ADGRV1: variants seen among roughly 807,000 people sequenced by gnomAD.
ADGRV1 encodes the protein G-protein coupled receptor 98.
In ADGRV1, 359 loss-of-function variants were observed where a neutral mutation model predicts 596.2. That is an observed-to-expected ratio of 0.60 (90% confidence interval 0.55 to 0.66). The LOEUF (loss-of-function observed/expected upper bound fraction) is 0.66. Among genes scored for constraint, ADGRV1 ranks in the 30% least tolerant of loss-of-function variants. ADGRV1 has a pLI of 0.00. For synonymous variants in ADGRV1, 2,681 were observed against 2,679.2 expected, an observed-to-expected ratio of 1.00 and a Z score of -0.02; for missense variants, 7,274 against 7,575.6, an observed-to-expected ratio of 0.96 and a Z score of 1.48.
chr5:91,153,224 C>T lies in ADGRV1; in HGVS notation c.18628C>T (p.Pro6210Ser), dbSNP rs1254725192. Residue 6210 changes from proline (P) to serine (S), a missense_variant, in exon 89 of 90, where the codon CCA (proline) becomes TCA (serine). By Grantham distance (74) the Pro-to-Ser change is moderately conservative. Transcript: ENST00000405460. ...CCCCCCATCCCAATCTAAAAAGGTG[C>T]CACCTGACTGGGAGAGAGCATCCTT... ...QNLIGAMEEV[P>S]PDWERASFQQ... is the part of the protein sequence containing the mutation. The T allele has an allele frequency of 3.1e-6, 5 of 1,602,424 alleles. No homozygotes were observed. The South Asian group carries it at 5.6e-5, about 18-fold the overall frequency.
intron 20 of ADGRV1, among the ~76,000 whole-genome samples, chr5:90,656,394 C>T (rs1436177127): frequency 2.0e-5 from 3 of 152,150 alleles, no homozygotes; most frequent in Non-Finnish European, 4.4e-5. Flanking sequence ...TTCCTTTTAA[C>T]ATACCATAGA....
rs727503077 is a variant in ADGRV1, at chr5:90,716,537, C to A, written c.9255C>A (p.Phe3085Leu). Residue 3085 changes from phenylalanine to leucine, a missense_variant, in exon 43 of 90, where the codon TTC (phenylalanine) becomes TTA (leucine). Physicochemically the swap from Phe to Leu is conservative, Grantham distance 22. Transcript: ENST00000405460. ...CATTTAACAACAGTGAGCACTTTTT[C>A]CTAAGAGAGCCAACAGCTCTCTACG... ...VLSFNNSEHF[F>L]LREPTALYVQ... 17 of 1,611,868 alleles carry A rather than the reference C, an allele frequency of 1.1e-5. No homozygotes were observed. The highest frequency in any genetic ancestry group is 1.4e-5 in the Non-Finnish European group (17 of 1,178,888).
intron 85 of ADGRV1, among the ~76,000 whole-genome samples, chr5:91,054,535 C>T: frequency 6.6e-6 from 1 of 152,100 alleles, no homozygotes. Context: ...AAATAATAGA[C>T]ACTTATTTCT....
chr5:91,039,971 A>G (rs1418991405), intron 85 of ADGRV1, among the ~76,000 whole-genome samples: 1 of 152,198 alleles, frequency 6.6e-6, no homozygotes, highest in African/African-American at 2.4e-5. Flanking sequence ...AAATGAAAAC[A>G]ATTGGAAAGA....
intron 87 of ADGRV1, among the ~76,000 whole-genome samples, chr5:91,131,936 A>T (rs1210441610): frequency 2.0e-5 from 3 of 152,188 alleles, no homozygotes; most frequent in Admixed American, 6.5e-5. Flanking sequence ...GGAGTTTTAC[A>T]TGTAAATCTT....
intron 75 of ADGRV1, among the ~76,000 whole-genome samples, chr5:90,817,127 C>T (rs1762977265): frequency 6.6e-6 from 1 of 152,120 alleles, no homozygotes. Context: ...GATGGTATCT[C>T]ATTGTGGTTT....
At chr5:90,973,900 G>A (rs1581680198) in intron 84 of ADGRV1, among the ~76,000 whole-genome samples, 1 of 152,168 alleles carries the variant, frequency 6.6e-6, no homozygotes, top group Non-Finnish European at 1.5e-5. Flanking sequence ...TAGGAAAAGA[G>A]GAAGTCAAAT....
chr5:90,571,791 GT>G (rs1226790542), intron 1 of ADGRV1, among the ~76,000 whole-genome samples: 3 of 152,128 alleles, frequency 2.0e-5, no homozygotes, highest in Non-Finnish European at 2.9e-5. Context: ...CAGGCTGTTA[GT>G]TTTTAAGGTG....
intron 1 of ADGRV1, among the ~76,000 whole-genome samples, chr5:90,582,932 A>C (rs1445591104): frequency 6.6e-6 from 1 of 152,208 alleles, no homozygotes; most frequent in Non-Finnish European, 1.5e-5. Context: ...TACAATCATA[A>C]ATACATCTGT....
At chr5:91,153,433 G>A (rs1796222199) in intron 89 of ADGRV1, 35 bp downstream of exon 89, 1 of 1,439,800 alleles carries the variant, frequency 6.9e-7, no homozygotes, top group Non-Finnish European at 9.4e-7. Context: ...TTAGAAGTAG[G>A]CACTCTTGCT....
chr5:91,011,471 G>C (rs976335597), intron 85 of ADGRV1, among the ~76,000 whole-genome samples: 1 of 151,848 alleles, frequency 6.6e-6, no homozygotes, highest in African/African-American at 2.4e-5. Flanking sequence ...TGGCAAACAA[G>C]CACTACTGCC....
intron 85 of ADGRV1, among the ~76,000 whole-genome samples, chr5:90,987,330 C>T (rs1314709246): frequency 1.3e-5 from 2 of 151,878 alleles, no homozygotes; most frequent in African/African-American, 2.4e-5. Flanking sequence ...ATTAGCCAGG[C>T]GTGGTGGCGC....
At chr5:90,635,069 T>C (rs1412588125) in intron 9 of ADGRV1, 45 bp from the exon 10 acceptor site, 1 of 1,304,100 alleles carries the variant, frequency 7.7e-7, no homozygotes, top group Non-Finnish European at 1.1e-6. Context: ...AAAAAATTTA[T>C]ATTCTATCAA....
Position 91,036,376 on chromosome 5 carries a change from G to A in ADGRV1, c.18153-36071G>A, listed in dbSNP as rs1408608142. Among the ~76,000 whole-genome samples, 5 of 151,928 alleles carry A rather than the reference G, an allele frequency of 3.3e-5. No homozygotes were observed. In the South Asian group the frequency reaches 1.0e-3, roughly 31 times the overall value. On this transcript the variant is annotated intron_variant, in intron 85 of 89. Transcript: ENST00000405460. ...AGATCGAGACCATCCTGGCTAACAC[G>A]GTGAAACCCTGTCTCTACTAAAAAT... is the stretch of plus-strand genomic sequence containing the variant.
At chr5:90,572,287 G>A (rs75844066) in intron 1 of ADGRV1, among the ~76,000 whole-genome samples, 6,066 of 152,080 alleles carry the variant, frequency 0.04, 386 homozygotes, top group African/African-American at 0.14. Flanking sequence ...GGATAAAGGA[G>A]GCATTTAAAG....
At chr5:90,607,970 A>T (rs558183123) in intron 1 of ADGRV1, among the ~76,000 whole-genome samples, 56 of 152,304 alleles carry the variant, frequency 3.7e-4, no homozygotes, top group Admixed American at 1.4e-3. Context: ...TTTTAAAATC[A>T]GTATTTTCTA....
chr5:90,606,342 T>C (rs1762105824), intron 1 of ADGRV1, among the ~76,000 whole-genome samples: 2 of 152,200 alleles, frequency 1.3e-5, no homozygotes, highest in South Asian at 2.1e-4. Context: ...TTTCTTTACT[T>C]GTTTTTTCAT....
In ADGRV1 at chr5:90,598,077, A is replaced by C. The variant is rs546782167; in HGVS notation, c.23-16758A>C. Reference sequence around the variant, plus strand: ...AGTAACTATTCACGCGGTAGTGTGGAGGGCGTAGTTGGGAGGCAAGAATAG... The same window carrying C: ...AGTAACTATTCACGCGGTAGTGTGGCGGGCGTAGTTGGGAGGCAAGAATAG... On this transcript the variant is annotated intron_variant, in intron 1 of 89. Coordinates refer to ENST00000405460, the MANE Select transcript of ADGRV1 (RefSeq NM_032119.4). Among the ~76,000 whole-genome samples the C allele has an allele frequency of 1.3e-3, 193 of 152,316 alleles. 1 individual carries two copies. The highest frequency in any genetic ancestry group is 2.5e-3 in the Non-Finnish European group (168 of 68,032).
At chr5:90,753,114 T>C in intron 53 of ADGRV1, among the ~76,000 whole-genome samples, 1 of 152,192 alleles carries the variant, frequency 6.6e-6, no homozygotes, top group East Asian at 1.9e-4. Context: ...TATCTTTCTC[T>C]CTCCACCTGT....
Sources: allele counts gnomAD v4.1 joint callset (sites outside exome capture counted in the v4.1 genomes callset), GRCh38; gene constraint gnomAD v4.1.1; transcripts MANE v1.5; gene names NCBI Gene and HGNC (gene_info 2026-07-23, HGNC 2026-07-21).